Variants in NUP85 observed in about 807,000 individuals in gnomAD.
The protein encoded by NUP85 is nuclear pore complex protein Nup85.
A neutral mutation model predicts 92.8 loss-of-function variants in NUP85; 23 were observed. The observed-to-expected ratio is 0.25, with a 90% CI of 0.18 to 0.35. NUP85 has a LOEUF of 0.35. Ranked by LOEUF, NUP85 falls within the 10% of genes least tolerant of loss-of-function variation. The pLI is 1.00. For missense variants in NUP85, 759 were observed against 822.8 expected, an observed-to-expected ratio of 0.92 and a Z score of 0.95; for synonymous variants, 314 against 306.9, an observed-to-expected ratio of 1.02 and a Z score of -0.24.
intron 7 of NUP85, 79 bp from the exon 8 acceptor site, chr17:75,225,024 G>T: frequency 6.9e-7 from 1 of 1,439,466 alleles, no homozygotes. Flanking sequence ...CCAAAGTGTG[G>T]GGTGAGGGGA....
chr17:75,225,512 C>T, intron 9 of NUP85, 48 bp downstream of exon 9: 1 of 1,599,658 alleles, frequency 6.3e-7, no homozygotes, highest in Non-Finnish European at 8.5e-7. Flanking sequence ...CCTATGGGGG[C>T]TGTGGCATCC....
At chr17:75,230,200 G>A (rs943744292) in intron 11 of NUP85, among the ~76,000 whole-genome samples, 10 of 151,504 alleles carry the variant, frequency 6.6e-5, no homozygotes, top group Non-Finnish European at 8.8e-5. Context: ...ACGCCACCAC[G>A]CCCAGCTAAC....
At chr17:75,208,279 T>C (rs1237791774) in intron 1 of NUP85, 1 of 329,240 alleles carries the variant, frequency 3.0e-6, no homozygotes, top group Non-Finnish European at 5.2e-6. Flanking sequence ...CTACTAAAAA[T>C]GAAAAAAAAA....
intron 4 of NUP85, 59 bp downstream of exon 4, chr17:75,212,121 G>T: frequency 8.4e-7 from 1 of 1,193,610 alleles, no homozygotes; most frequent in South Asian, 1.4e-5. Flanking sequence ...GGTATTTTGA[G>T]TATTTATCTA....
At chr17:75,232,557 C>T (rs563704126) in intron 14 of NUP85, among the ~76,000 whole-genome samples, 2 of 152,024 alleles carry the variant, frequency 1.3e-5, no homozygotes, top group Non-Finnish European at 2.9e-5. Flanking sequence ...GGGAGAAACA[C>T]GTAGGGAGAA....
At chr17:75,225,552 C>CTTGG in intron 9 of NUP85, 88 bp downstream of exon 9, 2 of 1,577,414 alleles carry the variant, frequency 1.3e-6, no homozygotes, top group South Asian at 2.3e-5. Context: ...CTTGGTCCTC[C>CTTGG]TTGGATAGGG....
intron 6 of NUP85, among the ~76,000 whole-genome samples, chr17:75,217,942 A>G (rs2075481743): frequency 6.6e-6 from 1 of 152,166 alleles, no homozygotes; most frequent in African/African-American, 2.4e-5. Flanking sequence ...TCTGCATTCC[A>G]TGTTCACCCC....
At chr17:75,208,350 C>A in intron 1 of NUP85, 177 bp from the exon 2 acceptor site, 1 of 590,010 alleles carries the variant, frequency 1.7e-6, no homozygotes, top group Non-Finnish European at 3.0e-6. Flanking sequence ...GAGGTTGAGG[C>A]AGGAGAAGCC....
intron 7 of NUP85, among the ~76,000 whole-genome samples, chr17:75,222,160 T>G (rs1015922312): frequency 2.6e-5 from 4 of 152,028 alleles, no homozygotes; most frequent in African/African-American, 9.7e-5. Context: ...CCTCCCCTCC[T>G]AAGCCTCCCA....
intron 16 of NUP85, among the ~76,000 whole-genome samples, chr17:75,233,437 C>CTTTTTTTTTTTTTTTTTTTT (rs60396796): frequency 8.5e-6 from 1 of 117,186 alleles, no homozygotes; most frequent in African/African-American, 3.5e-5. Context: ...TTTATTTTTT[C>CTTTTTTTTTTTTTTTTTTTT]TTTTTTTTTT....
intron 14 of NUP85, among the ~76,000 whole-genome samples, chr17:75,232,472 A>G (rs2035251): frequency 0.92 from 139,556 of 152,204 alleles, 64,895 homozygotes; most frequent in Non-Finnish European, 1. Flanking sequence ...CATTTCTGAA[A>G]GCATATGGTA....
At chr17:75,232,094 C>T (rs929985161) in intron 14 of NUP85, 115 bp downstream of exon 14, 140 of 1,134,848 alleles carry the variant, frequency 1.2e-4, no homozygotes, top group Admixed American at 3.3e-4. Context: ...ACACTGGAGA[C>T]GTGGGGCTGT....
intron 1 of NUP85, among the ~76,000 whole-genome samples, chr17:75,207,486 C>A (rs1266368364): frequency 2.7e-5 from 4 of 150,886 alleles, no homozygotes; most frequent in African/African-American, 9.7e-5. Flanking sequence ...CGCCTGGCCT[C>A]ATTCTTTTTT....
Position 75,231,411 on chromosome 17 carries a change from C to T in NUP85, c.1166C>T (p.Ser389Leu). 1 of 1,614,172 alleles carries T rather than the reference C, an allele frequency of 6.2e-7. No homozygotes were observed. Among genetic ancestry groups the T allele is most frequent in the South Asian group, 1.1e-5 (1 of 91,040 alleles). Residue 389 changes from serine to leucine, a missense_variant, in exon 12 of 19, where the codon TCA becomes TTA. Coordinates refer to ENST00000245544, the MANE Select transcript of NUP85 (RefSeq NM_024844.5). This position sits in a 1 kb window ranked among gnomAD's most constrained non-coding sequence, Gnocchi z 4.6. Reference sequence around the variant, plus strand: ...CTGGACCACTGCAAGCTCCTCCAGTCACACAACCTCTAGTAAGTGGCCGGG... The same window carrying T: ...CTGGACCACTGCAAGCTCCTCCAGTTACACAACCTCTAGTAAGTGGCCGGG... ...DLLDHCKLLQ[S>L]HNLYFGSNMR...
At position 75,225,427 on chromosome 17, in the gene NUP85, C is replaced by T. The variant is rs1296029027; in HGVS notation, c.818C>T (p.Thr273Ile). The stretch of plus-strand genomic sequence containing the variant: ...TGTGAGCGGTACCTCCAGGACAGCA[C>T]ATTCGCCACCAGCCCTCACCTGGAG... ...EECERYLQDS[T>I]FATSPHLESL... is the part of the protein sequence containing the mutation. Residue 273 changes from threonine to isoleucine, a missense_variant, in exon 9 of 19, where the codon ACA becomes ATA. By Grantham distance (89) the Thr-to-Ile change is moderately conservative (BLOSUM62 -1). Coordinates refer to ENST00000245544, the MANE Select transcript of NUP85 (RefSeq NM_024844.5). The T allele has an allele frequency of 4.3e-6, 7 of 1,613,978 alleles. No individual in the cohort carries two copies. Among genetic ancestry groups the T allele is most frequent in the Non-Finnish European group, 5.9e-6 (7 of 1,180,040 alleles).
At chr17:75,234,590 A>G (rs2076250049) in intron 16 of NUP85, 47 bp from the exon 17 acceptor site, 7 of 1,603,730 alleles carry the variant, frequency 4.4e-6, no homozygotes, top group Non-Finnish European at 6.0e-6. Context: ...TCACTTGGGC[A>G]ATTTGGGGGA....
intron 6 of NUP85, 83 bp downstream of exon 6, chr17:75,215,906 A>G (rs1487348908): frequency 8.4e-7 from 1 of 1,192,512 alleles, no homozygotes; most frequent in African/African-American, 1.5e-5. Flanking sequence ...GTGCATGGTG[A>G]TGAGTGTTTT....
intron 6 of NUP85, 66 bp downstream of exon 6, chr17:75,215,889 C>CT (rs767276491): frequency 2.3e-6 from 3 of 1,327,558 alleles, no homozygotes; most frequent in East Asian, 4.6e-5. Context: ...CTTTCCTCAT[C>CT]TTTCCTGTGC....
At chr17:75,232,584 G>A (rs1466097369) in intron 14 of NUP85, among the ~76,000 whole-genome samples, 1 of 152,142 alleles carries the variant, frequency 6.6e-6, no homozygotes, top group East Asian at 1.9e-4. Flanking sequence ...TAGAAGAGCT[G>A]ACATGTAGGG....
Sources: gnomAD v4.1 joint callset for allele counts (sites outside exome capture counted in the v4.1 genomes callset) on GRCh38, gnomAD v4.1.1 for gene constraint, Gnocchi (gnomAD v3.1) non-coding constraint, MANE v1.5 for transcripts, NCBI Gene and HGNC (gene_info 2026-07-23, HGNC 2026-07-21) for gene names.